Variants in NLGN1 observed in about 807,000 individuals in gnomAD.
The protein encoded by NLGN1 is neuroligin-1.
A neutral mutation model predicts 65.5 loss-of-function variants in NLGN1; 12 were observed. That is an observed-to-expected ratio of 0.18 (90% CI 0.12 to 0.30). The LOEUF is 0.30. Among genes scored for constraint, NLGN1 ranks in the 10% least tolerant of loss-of-function variants. The pLI is 1.00. For missense variants in NLGN1, 750 were observed against 1,007.1 expected, an observed-to-expected ratio of 0.74 and a Z score of 3.46; for synonymous variants, 350 against 359.5, an observed-to-expected ratio of 0.97 and a Z score of 0.30.
chr3:174,060,963 A>G (rs957887308), intron 4 of NLGN1, among the ~76,000 whole-genome samples: 34 of 152,078 alleles, frequency 2.2e-4, no homozygotes, highest in African/African-American at 7.5e-4. Context: ...GTAGCTTACC[A>G]TATTGTCAGC....
At chr3:173,780,501 A>G (rs557030675) in intron 3 of NLGN1, among the ~76,000 whole-genome samples, 21 of 152,378 alleles carry the variant, frequency 1.4e-4, no homozygotes, top group African/African-American at 5.0e-4. Context: ...TAAATTGACC[A>G]TCTATACCTT....
At chr3:174,276,759 CACAGATGA>C (rs1434847789) in intron 5 of NLGN1, among the ~76,000 whole-genome samples, 2 of 151,832 alleles carry the variant, frequency 1.3e-5, no homozygotes, top group African/African-American at 2.4e-5. Context: ...GACAAAATAA[CACAGATGA>C]ACATTTCCAA....
At chr3:173,751,109 T>G (rs1776242704) in intron 3 of NLGN1, among the ~76,000 whole-genome samples, 1 of 152,066 alleles carries the variant, frequency 6.6e-6, no homozygotes, top group Non-Finnish European at 1.5e-5. Flanking sequence ...AGTCACAAAC[T>G]ATAGAAGTAT....
chr3:173,735,481 C>A (rs1773599572), intron 3 of NLGN1, among the ~76,000 whole-genome samples: 1 of 152,162 alleles, frequency 6.6e-6, no homozygotes, highest in African/African-American at 2.4e-5. Context: ...GGAAAAAGAC[C>A]CTTCTTACAA....
At position 174,280,173 on chromosome 3, in the gene NLGN1, G is replaced by T. The variant is rs1448228758; in HGVS notation, c.1650-308G>T. Among the ~76,000 whole-genome samples the T allele has an allele frequency of 6.6e-6, 1 of 151,954 alleles. No homozygotes were observed. Among genetic ancestry groups the T allele is most frequent in the Non-Finnish European group, 1.5e-5 (1 of 67,926 alleles). On this transcript the variant is annotated intron_variant, in intron 6 of 6. Coordinates refer to ENST00000457714, the Ensembl canonical transcript of NLGN1. This position sits in a 1 kb window ranked among gnomAD's most constrained non-coding sequence, Gnocchi z 4.9. ...CCACTATTCCATGTCATCTCTGCTA[G>T]CTTGCCTATGAGACAACTCATACGT...
intron 3 of NLGN1, among the ~76,000 whole-genome samples, chr3:173,638,171 T>C (rs1029107637): frequency 2.0e-5 from 3 of 151,922 alleles, no homozygotes; most frequent in African/African-American, 7.2e-5. Flanking sequence ...AATGAATAAA[T>C]AGGGGAATGC....
At position 173,725,150 on chromosome 3, in the gene NLGN1, A is replaced by G. The variant is rs956139230; in HGVS notation, c.494-82530A>G. 5.3e-5 allele frequency among the ~76,000 whole-genome samples: 8 copies of G among 152,308 alleles called. No homozygotes were observed. In the East Asian group the frequency reaches 1.4e-3, roughly 26 times the overall value. On this transcript the variant is annotated intron_variant, in intron 3 of 6. Coordinates refer to ENST00000457714, the Ensembl canonical transcript of NLGN1. ...TATGTAACAAACCTGTACATTGTGC[A>G]CATGTACCCTAGAACTTAAAGTATA...
intron 4 of NLGN1, among the ~76,000 whole-genome samples, chr3:173,855,499 A>G (rs1454415024): frequency 1.3e-5 from 2 of 152,126 alleles, no homozygotes; most frequent in Admixed American, 1.3e-4. Context: ...CGAGCCCTAC[A>G]TATTTGAAAC....
At chr3:173,700,827 C>T (rs1246864519) in intron 3 of NLGN1, among the ~76,000 whole-genome samples, 1 of 152,078 alleles carries the variant, frequency 6.6e-6, no homozygotes, top group East Asian at 1.9e-4. Context: ...CTCTAGACCT[C>T]ATAAAAGTGC....
At chr3:173,984,404 A>G (rs1719447079) in intron 4 of NLGN1, among the ~76,000 whole-genome samples, 1 of 152,214 alleles carries the variant, frequency 6.6e-6, no homozygotes, top group Admixed American at 6.5e-5. Flanking sequence ...ATGCTAATTC[A>G]TTGAGACCTA....
At chr3:174,134,516 A>T (rs1462145458) in intron 4 of NLGN1, among the ~76,000 whole-genome samples, 2 of 152,154 alleles carry the variant, frequency 1.3e-5, no homozygotes, top group Non-Finnish European at 2.9e-5. Flanking sequence ...TCTGAATGAG[A>T]TATACTGTCC....
intron 4 of NLGN1, among the ~76,000 whole-genome samples, chr3:174,141,725 G>T (rs1722313787): frequency 6.6e-6 from 1 of 152,128 alleles, no homozygotes; most frequent in African/African-American, 2.4e-5. Context: ...TGTGAAGCCT[G>T]CAGTCTGCTA....
intron 4 of NLGN1, among the ~76,000 whole-genome samples, chr3:173,953,692 C>G (rs1444143886): frequency 6.6e-6 from 1 of 152,012 alleles, no homozygotes; most frequent in Non-Finnish European, 1.5e-5. Context: ...GTAGCTGGGA[C>G]TACAGGCATG....
At chr3:173,926,404 G>A (rs778899255) in intron 4 of NLGN1, among the ~76,000 whole-genome samples, 24 of 152,088 alleles carry the variant, frequency 1.6e-4, no homozygotes, top group Non-Finnish European at 2.8e-4. Context: ...CAAAAGTCAA[G>A]TATAACTCGC....
intron 4 of NLGN1, among the ~76,000 whole-genome samples, chr3:174,039,169 C>T (rs1731750594): frequency 6.6e-6 from 1 of 152,020 alleles, no homozygotes; most frequent in African/African-American, 2.4e-5. Context: ...AGAAAGGAGG[C>T]ATTCAGTCCC....
chr3:174,080,452 C>G (rs375169170), intron 4 of NLGN1, among the ~76,000 whole-genome samples: 6 of 152,168 alleles, frequency 3.9e-5, no homozygotes, highest in Non-Finnish European at 8.8e-5. Context: ...AGATCAAGTG[C>G]GTCATTTGAC....
At chr3:173,984,478 T>G (rs1719463747) in intron 4 of NLGN1, among the ~76,000 whole-genome samples, 1 of 152,216 alleles carries the variant, frequency 6.6e-6, no homozygotes, top group African/African-American at 2.4e-5. Flanking sequence ...AAAATTCAAA[T>G]TATTCTGTCT....
intron 2 of NLGN1, among the ~76,000 whole-genome samples, chr3:173,601,909 G>A (rs73880515): frequency 0.02 from 3,064 of 151,976 alleles, 104 homozygotes; most frequent in African/African-American, 0.069. Context: ...CTGAGACTTC[G>A]TCTTCTGAAG....
intron 2 of NLGN1, among the ~76,000 whole-genome samples, chr3:173,435,793 C>A (rs1013624340): frequency 6.6e-6 from 1 of 152,068 alleles, no homozygotes; most frequent in Non-Finnish European, 1.5e-5. Flanking sequence ...TGAGATCATG[C>A]CACTGCACTC....
Sources: gnomAD v4.1 joint callset for allele counts (sites outside exome capture counted in the v4.1 genomes callset) on GRCh38, gnomAD v4.1.1 for gene constraint, Gnocchi (gnomAD v3.1) non-coding constraint, MANE v1.5 for transcripts, NCBI Gene and HGNC (gene_info 2026-07-23, HGNC 2026-07-21) for gene names.